The following CSMD1 variants were observed in gnomAD, a reference collection of about 807,000 sequenced individuals.
CSMD1 encodes CUB and Sushi multiple domains 1.
A neutral mutation model predicts 417.5 loss-of-function variants in CSMD1; 213 were observed. The observed-to-expected ratio is 0.51, with a 90% confidence interval of 0.46 to 0.57. CSMD1 has a LOEUF of 0.57. CSMD1 is among the 20% of genes least tolerant of loss of function. CSMD1 has a pLI of 0.00. For synonymous variants in CSMD1, 2,862 were observed against 1,736.8 expected, an observed-to-expected ratio of 1.65 and a Z score of -16.11; for missense variants, 6,923 against 4,529.7, an observed-to-expected ratio of 1.53 and a Z score of -15.17.
chr8:4,437,435 C>A (rs557045658), intron 2 of CSMD1, among the ~76,000 whole-genome samples: 3 of 152,178 alleles, frequency 2.0e-5, no homozygotes, highest in Admixed American at 2.0e-4. Flanking sequence ...CATGATTATC[C>A]GTAAAATCAG....
rs150357077 is a variant in CSMD1 at position 4,700,862 on chromosome 8, C to T, written c.86-63304G>A. ...AAGAATAGGAAGAAAGGATGAAGAA[C>T]AATAGACCTACAGTGCTCCTGTTAC... is the stretch of plus-strand genomic sequence containing the variant. On this transcript the variant is annotated intron_variant, in intron 1 of 69. Coordinates refer to ENST00000635120, the MANE Select transcript of CSMD1 (RefSeq NM_033225.6). Among the ~76,000 whole-genome samples the T allele has an allele frequency of 1.5e-3, 228 of 152,206 alleles. 1 individual carries two copies. The highest frequency in any genetic ancestry group is 5.4e-3 in the African/African-American group (224 of 41,520).
intron 49 of CSMD1, among the ~76,000 whole-genome samples, chr8:3,079,075 T>C (rs1813898515): frequency 1.3e-5 from 2 of 152,172 alleles, no homozygotes; most frequent in Admixed American, 1.3e-4. Context: ...GAGGAATCCA[T>C]CACTCAATTG....
At chr8:4,687,640 C>A (rs911420011) in intron 1 of CSMD1, among the ~76,000 whole-genome samples, 1 of 152,172 alleles carries the variant, frequency 6.6e-6, no homozygotes, top group South Asian at 2.1e-4. Flanking sequence ...GTGTTACTCA[C>A]AGCTAAATCC....
intron 1 of CSMD1, among the ~76,000 whole-genome samples, chr8:4,992,098 A>G (rs1223965066): frequency 6.6e-6 from 1 of 152,150 alleles, no homozygotes; most frequent in Non-Finnish European, 1.5e-5. Context: ...GCAGCGCGCA[A>G]GAGGAGCTCT....
At chr8:3,990,194 T>C (rs1298674218) in intron 5 of CSMD1, among the ~76,000 whole-genome samples, 1 of 152,228 alleles carries the variant, frequency 6.6e-6, no homozygotes, top group African/African-American at 2.4e-5. Flanking sequence ...AAGAAAGAAG[T>C]GTGATTACAA....
chr8:3,679,040 A>G (rs546562639), intron 7 of CSMD1, among the ~76,000 whole-genome samples: 7 of 152,316 alleles, frequency 4.6e-5, no homozygotes, highest in African/African-American at 1.4e-4. Flanking sequence ...GAAGCACTAA[A>G]CATGGAAAGG....
At chr8:4,360,011 G>A (rs991407820) in intron 3 of CSMD1, among the ~76,000 whole-genome samples, 1 of 152,192 alleles carries the variant, frequency 6.6e-6, no homozygotes, top group Non-Finnish European at 1.5e-5. Context: ...CAGTTGTGGA[G>A]TTCCAGCTCT....
At position 3,151,619 on chromosome 8, in the gene CSMD1, A is replaced by G. The variant is rs911532955; in HGVS notation, c.5915-106T>C. ...ATGCTGAGAAAGAGCAAGTCTTCGG[A>G]GTTAATTCTGCCCCTAATTACAGCA... On this transcript the variant is annotated intron_variant, in intron 39 of 69. Coordinates refer to ENST00000635120, the MANE Select transcript of CSMD1 (RefSeq NM_033225.6). 4.1e-5 allele frequency: 28 copies of G among 690,446 alleles called. No individual in the cohort carries two copies. In the African/African-American group the frequency reaches 4.6e-4, roughly 11 times the overall value. The allele number at this position is 690,446 out of a possible 1,614,324, so 42.8% of individuals were successfully genotyped here. A position where few individuals can be genotyped will look rare whatever the true frequency, so the allele number is the denominator to read the frequency against.
chr8:3,347,106 T>C (rs1171009808), intron 22 of CSMD1, among the ~76,000 whole-genome samples: 1 of 152,228 alleles, frequency 6.6e-6, no homozygotes, highest in Non-Finnish European at 1.5e-5. Context: ...TCTCATAATG[T>C]TTTAAATATG....
At position 4,751,506 on chromosome 8, in the gene CSMD1, C is replaced by G. The variant is rs1035632037; in HGVS notation, c.86-113948G>C. ...GTCCTGGATTTTGTGGAATCATGAG[C>G]TAGATAACTTTCTAAAGTTATTTTA... On this transcript the variant is annotated intron_variant, in intron 1 of 69. Coordinates refer to ENST00000635120, the MANE Select transcript of CSMD1 (RefSeq NM_033225.6). Among the ~76,000 whole-genome samples the G allele has an allele frequency of 9.9e-5, 15 of 152,196 alleles. 1 individual carries two copies. Among genetic ancestry groups the G allele is most frequent in the Admixed American group, 2.6e-4 (4 of 15,294 alleles).
chr8:4,922,872 G>C (rs551899166), intron 1 of CSMD1, among the ~76,000 whole-genome samples: 1 of 152,118 alleles, frequency 6.6e-6, no homozygotes, highest in Non-Finnish European at 1.5e-5. Context: ...GTTTTAACTG[G>C]CATCTTCTCT....
intron 1 of CSMD1, among the ~76,000 whole-genome samples, chr8:4,737,375 A>G (rs913957963): frequency 3.9e-5 from 6 of 152,192 alleles, no homozygotes; most frequent in African/African-American, 1.4e-4. Flanking sequence ...CAGAAAAAAA[A>G]AATAACTAAT....
At chr8:4,580,676 C>G (rs1799372155) in intron 2 of CSMD1, among the ~76,000 whole-genome samples, 3 of 152,116 alleles carry the variant, frequency 2.0e-5, no homozygotes. Context: ...GCAAAATGCA[C>G]CGCGTCTTCC....
At chr8:3,022,659 C>G (rs1320441032) in intron 51 of CSMD1, among the ~76,000 whole-genome samples, 1 of 144,762 alleles carries the variant, frequency 6.9e-6, no homozygotes, top group South Asian at 2.3e-4. Context: ...AAGAGTAGGT[C>G]TTTTCAAATA....
intron 5 of CSMD1, among the ~76,000 whole-genome samples, chr8:3,779,493 T>A (rs1292895010): frequency 6.6e-6 from 1 of 152,200 alleles, no homozygotes; most frequent in African/African-American, 2.4e-5. Flanking sequence ...TAGTATTCAC[T>A]GATTTCATCA....
intron 37 of CSMD1, among the ~76,000 whole-genome samples, chr8:3,178,987 AC>A (rs1279051446): frequency 6.9e-6 from 1 of 145,020 alleles, no homozygotes; most frequent in Non-Finnish European, 1.5e-5. Context: ...TCACTCTGTC[AC>A]CCAGGCTGGA....
At chr8:4,025,293 C>G (rs981035247) in intron 4 of CSMD1, among the ~76,000 whole-genome samples, 1 of 152,172 alleles carries the variant, frequency 6.6e-6, no homozygotes, top group Non-Finnish European at 1.5e-5. Context: ...TATCCAAAAT[C>G]CACACAGTGG....
chr8:2,978,175 C>T (rs1446714098), intron 55 of CSMD1, among the ~76,000 whole-genome samples: 2 of 152,162 alleles, frequency 1.3e-5, no homozygotes. Flanking sequence ...CCTTCTTTGG[C>T]CGTAGATGCC....
intron 3 of CSMD1, among the ~76,000 whole-genome samples, chr8:4,291,974 T>C (rs1797394832): frequency 6.6e-6 from 1 of 152,198 alleles, no homozygotes; most frequent in African/African-American, 2.4e-5. Flanking sequence ...GGAATTTCTT[T>C]CATCAGAGTT....
Sources: allele counts gnomAD v4.1 joint callset (sites outside exome capture counted in the v4.1 genomes callset), GRCh38; gene constraint gnomAD v4.1.1; transcripts MANE v1.5; gene names NCBI Gene and HGNC (gene_info 2026-07-23, HGNC 2026-07-21).